The following FRYL variants were observed in gnomAD, a reference collection of about 807,000 sequenced individuals.
FRYL encodes FRY like transcription coactivator.
A neutral mutation model predicts 351.2 loss-of-function variants in FRYL; 150 were observed. The ratio of observed to expected loss-of-function variants is 0.43; its 90% confidence interval spans 0.37 to 0.49. The LOEUF is 0.49. Ranked by LOEUF, FRYL falls within the 20% of genes least tolerant of loss-of-function variation. FRYL has a pLI of 0.00. For synonymous variants in FRYL, 1,153 were observed against 1,257.1 expected, an observed-to-expected ratio of 0.92 and a Z score of 1.75; for missense variants, 3,036 against 3,619.3, an observed-to-expected ratio of 0.84 and a Z score of 4.13.
intron 3 of FRYL, among the ~76,000 whole-genome samples, chr4:48,668,876 G>T (rs1225923940): frequency 6.6e-6 from 1 of 152,020 alleles, no homozygotes; most frequent in Non-Finnish European, 1.5e-5. Flanking sequence ...ATCTGGGTGG[G>T]GTTAACCCTT....
At chr4:48,761,139 T>C (rs1006542433) in intron 1 of FRYL, among the ~76,000 whole-genome samples, 3 of 151,982 alleles carry the variant, frequency 2.0e-5, no homozygotes, top group African/African-American at 7.3e-5. Flanking sequence ...ATATTTGAGA[T>C]CCCTGTATAT....
chr4:48,514,258 A>G (rs574078559), intron 56 of FRYL, among the ~76,000 whole-genome samples: 2 of 152,280 alleles, frequency 1.3e-5, no homozygotes, highest in East Asian at 1.9e-4. Flanking sequence ...AAATAGATAC[A>G]CTCACAGAGT....
rs764432348 is a variant in FRYL at position 48,602,090 on chromosome 4, C to T, written c.965G>A (p.Cys322Tyr). ...ALYPLITCLLCVSQKQFFLNN... is the reference protein window; with the variant it reads ...ALYPLITCLLYVSQKQFFLNN... ...TAAAAAAAATTGTTTCTGACTGACA[C>T]ATAAAAGGCAGGTAATTAGTGGATA... Residue 322 changes from cysteine (C) to tyrosine (Y), a missense_variant, in exon 13 of 64, where the codon TGT (cysteine) becomes TAT (tyrosine). Cys to Tyr is a radical substitution (Grantham distance 194). Transcript: ENST00000358350. The T allele has an allele frequency of 1.3e-6, 2 of 1,598,940 alleles. No homozygotes were observed. The highest frequency in any genetic ancestry group is 1.7e-6 in the Non-Finnish European group (2 of 1,167,014).
At chr4:48,682,094 T>C (rs1764689904) in intron 3 of FRYL, among the ~76,000 whole-genome samples, 1 of 152,186 alleles carries the variant, frequency 6.6e-6, no homozygotes, top group Non-Finnish European at 1.5e-5. Context: ...TAAGCAATCA[T>C]ATCTATAACT....
rs1754989577 is a variant in FRYL at position 48,639,860 on chromosome 4, C to T, written c.-80-5370G>A. On this transcript the variant is annotated intron_variant, in intron 3 of 63. Coordinates refer to ENST00000358350, the MANE Select transcript of FRYL (RefSeq NM_015030.2). ...TAAAAAATGAGCACCAGATTTAATA[C>T]ACCTTACCAGAAGAAGATGTACAGA... Among the ~76,000 whole-genome samples the T allele has an allele frequency of 3.9e-5, 6 of 152,134 alleles. No individual in the cohort carries two copies. The South Asian group carries it at 1.2e-3, about 32-fold the overall frequency.
At chr4:48,609,491 G>A (rs570767903) in intron 8 of FRYL, among the ~76,000 whole-genome samples, 11 of 152,080 alleles carry the variant, frequency 7.2e-5, no homozygotes, top group South Asian at 4.2e-4. Flanking sequence ...GTGTGGTGGC[G>A]TGCACCTGTA....
intron 42 of FRYL, 121 bp from the exon 43 acceptor site, chr4:48,545,025 C>T (rs1289136929): frequency 2.3e-6 from 2 of 876,760 alleles, no homozygotes; most frequent in Non-Finnish European, 3.4e-6. Context: ...AAATAGGTCA[C>T]AGTCTACTAC....
intron 19 of FRYL, among the ~76,000 whole-genome samples, chr4:48,583,150 A>G (rs1034375450): frequency 6.6e-6 from 1 of 151,444 alleles, no homozygotes; most frequent in African/African-American, 2.4e-5. Context: ...ATTTATCTCA[A>G]TCATTCTTTT....
chr4:48,653,071 T>C (rs1758059280), intron 3 of FRYL, among the ~76,000 whole-genome samples: 1 of 152,176 alleles, frequency 6.6e-6, no homozygotes, highest in Non-Finnish European at 1.5e-5. Flanking sequence ...ATTGAAATAT[T>C]GAACAAAAGC....
At chr4:48,522,789 G>A (rs1476943940) in intron 54 of FRYL, 112 bp downstream of exon 54, 5 of 833,872 alleles carry the variant, frequency 6.0e-6, no homozygotes, top group Non-Finnish European at 1.0e-5. Flanking sequence ...CAATCTTGTA[G>A]ATTCATTTCA....
intron 2 of FRYL, among the ~76,000 whole-genome samples, chr4:48,687,067 G>A (rs941701065): frequency 1.3e-5 from 2 of 152,146 alleles, no homozygotes; most frequent in Non-Finnish European, 2.9e-5. Context: ...CTGTTTACTT[G>A]CAGGACAATC....
rs115554218 is a variant in FRYL, at chr4:48,564,188, T to A, written c.3442-86A>T. ...TATAGTTCTTACTAAAGTAATATAG[T>A]GCATATATTCATTGTAATTAATAGA... On this transcript the variant is annotated intron_variant, in intron 30 of 63. Coordinates refer to ENST00000358350, the MANE Select transcript of FRYL (RefSeq NM_015030.2). 631 of 1,322,358 alleles carry A rather than the reference T, an allele frequency of 4.8e-4. No individual in the cohort carries two copies. In the African/African-American group the frequency reaches 8.4e-3, roughly 18 times the overall value. The allele number at this position is 1,322,358 out of a possible 1,614,324, so 81.9% of individuals were successfully genotyped here. A position where few individuals can be genotyped will look rare whatever the true frequency, so the allele number is the denominator to read the frequency against.
At chr4:48,705,908 T>C (rs1349927796) in intron 2 of FRYL, among the ~76,000 whole-genome samples, 1 of 152,058 alleles carries the variant, frequency 6.6e-6, no homozygotes, top group Non-Finnish European at 1.5e-5. Context: ...GTGACCTCAG[T>C]TTACTGCAAC....
intron 30 of FRYL, among the ~76,000 whole-genome samples, 176 bp downstream of exon 30, chr4:48,564,757 G>A (rs1736373867): frequency 6.6e-6 from 1 of 152,116 alleles, no homozygotes; most frequent in African/African-American, 2.4e-5. Flanking sequence ...TGATACATAA[G>A]AATTGGAACG....
chr4:48,634,686 C>T (rs1753885312), intron 3 of FRYL, among the ~76,000 whole-genome samples, 196 bp from the exon 4 acceptor site: 2 of 152,088 alleles, frequency 1.3e-5, no homozygotes. Context: ...ATATTATGTA[C>T]TGTTTCTCTC....
chr4:48,592,099 TATATATATATATATA>T, intron 16 of FRYL, among the ~76,000 whole-genome samples: 1 of 40,216 alleles, frequency 2.5e-5, no homozygotes, highest in Non-Finnish European at 7.1e-5. Context: ...TATATATATA[TATATATATATATATA>T]TTTTATCTAA....
rs1408948516 is a variant in FRYL at position 48,615,434 on chromosome 4, A to G, written c.411+3840T>C. 3.9e-5 allele frequency among the ~76,000 whole-genome samples: 6 copies of G among 152,362 alleles called. No individual in the cohort carries two copies. In the South Asian group the frequency reaches 6.2e-4, roughly 16 times the overall value. On this transcript the variant is annotated intron_variant, in intron 7 of 63. Transcript: ENST00000358350. The stretch of plus-strand genomic sequence containing the variant: ...GCCAAGAGCTTGAAATGGCTCACAA[A>G]CTAGGTTTCTCAACTTCTTGTTTGT...
chr4:48,709,393 T>C (rs1319094344), intron 2 of FRYL, among the ~76,000 whole-genome samples: 2 of 152,054 alleles, frequency 1.3e-5, no homozygotes, highest in Non-Finnish European at 2.9e-5. Flanking sequence ...CTGAGTGAAA[T>C]GAAGGAAAGT....
intron 1 of FRYL, among the ~76,000 whole-genome samples, chr4:48,761,007 C>CTGTGTGTGTGTGTGTG (rs57872533): frequency 6.0e-5 from 8 of 134,434 alleles, no homozygotes; most frequent in Admixed American, 1.5e-4. Context: ...ATTACTCTGT[C>CTGTGTGTGTGTGTGTG]TGTGTGTGTG....
Sources: allele counts gnomAD v4.1 joint callset (sites outside exome capture counted in the v4.1 genomes callset), GRCh38; gene constraint gnomAD v4.1.1; transcripts MANE v1.5; gene names NCBI Gene and HGNC (gene_info 2026-07-23, HGNC 2026-07-21).